CHST11: variants seen among roughly 807,000 people sequenced by gnomAD.
CHST11 encodes carbohydrate sulfotransferase 11.
In CHST11, 9 loss-of-function variants were observed where a neutral mutation model predicts 30.4. The ratio of observed to expected loss-of-function variants is 0.30; its 90% CI spans 0.18 to 0.52. CHST11 has a LOEUF of 0.52. Ranked by LOEUF, CHST11 falls within the 20% of genes least tolerant of loss-of-function variation. CHST11 has a pLI of 0.97. For missense variants in CHST11, 348 were observed against 460.6 expected (o/e 0.76, Z 2.24); for synonymous variants, 152 against 187.8 (o/e 0.81, Z 1.56).
At chr12:104,608,767 CTG>C (rs778004044) in intron 2 of CHST11, among the ~76,000 whole-genome samples, 1 of 152,190 alleles carries the variant, frequency 6.6e-6, no homozygotes, top group African/African-American at 2.4e-5. Flanking sequence ...GGCTCTGTGT[CTG>C]TGTTTTCCAC....
chr12:104,631,742 C>T (rs1249854804), intron 2 of CHST11, among the ~76,000 whole-genome samples: 1 of 152,184 alleles, frequency 6.6e-6, no homozygotes, highest in Non-Finnish European at 1.5e-5. Context: ...AAATGCAAGG[C>T]CCCTTGTTAA....
intron 1 of CHST11, among the ~76,000 whole-genome samples, chr12:104,593,627 C>G (rs1469973448): frequency 6.6e-6 from 1 of 152,154 alleles, no homozygotes; most frequent in African/African-American, 2.4e-5. Flanking sequence ...GTGACATGTC[C>G]CATTTCCCAG....
At chr12:104,754,990 T>C (rs2040462851) in intron 2 of CHST11, among the ~76,000 whole-genome samples, 2 of 152,210 alleles carry the variant, frequency 1.3e-5, no homozygotes, top group African/African-American at 4.8e-5. Context: ...ACCATCACCA[T>C]CCTTTGTCCT....
At chr12:104,603,855 C>G (rs750028123) in intron 2 of CHST11, among the ~76,000 whole-genome samples, 17 of 152,332 alleles carry the variant, frequency 1.1e-4, no homozygotes, top group South Asian at 4.1e-4. Context: ...TGAGCAATAC[C>G]TGCCTTGCAG....
intron 1 of CHST11, among the ~76,000 whole-genome samples, chr12:104,582,618 C>T (rs980490908): frequency 6.6e-6 from 1 of 152,068 alleles, no homozygotes; most frequent in Non-Finnish European, 1.5e-5. Context: ...TGGGAACACT[C>T]AGAGATAATA....
chr12:104,545,283 C>T (rs1252816072), intron 1 of CHST11, among the ~76,000 whole-genome samples: 1 of 152,226 alleles, frequency 6.6e-6, no homozygotes, highest in Non-Finnish European at 1.5e-5. Context: ...GGCCCAGCCC[C>T]ATGAGCTGCC....
chr12:104,647,155 G>A (rs2039441728), intron 2 of CHST11, among the ~76,000 whole-genome samples: 2 of 152,254 alleles, frequency 1.3e-5, no homozygotes, highest in South Asian at 2.1e-4. Flanking sequence ...GATGCTGCAA[G>A]TGGAGGCTCC....
At chr12:104,678,643 C>G (rs534273301) in intron 2 of CHST11, among the ~76,000 whole-genome samples, 1 of 152,206 alleles carries the variant, frequency 6.6e-6, no homozygotes, top group East Asian at 1.9e-4. Context: ...TCCGTTGCTA[C>G]AGTAATTCTG....
intron 2 of CHST11, among the ~76,000 whole-genome samples, chr12:104,693,079 A>C (rs1301831834): frequency 2.6e-5 from 4 of 151,832 alleles, no homozygotes; most frequent in East Asian, 3.9e-4. Flanking sequence ...CTGCATCCTC[A>C]CTTGGTTTTT....
chr12:104,719,740 G>T (rs2040158756), intron 2 of CHST11, among the ~76,000 whole-genome samples: 1 of 152,204 alleles, frequency 6.6e-6, no homozygotes, highest in South Asian at 2.1e-4. Flanking sequence ...TGGCCAGCCG[G>T]CCCTGGCTGT....
intron 2 of CHST11, among the ~76,000 whole-genome samples, chr12:104,637,677 T>G (rs1004584221): frequency 6.6e-6 from 1 of 152,170 alleles, no homozygotes; most frequent in Admixed American, 6.5e-5. Context: ...CACTCAAAGC[T>G]GGTCACTTCC....
At chr12:104,711,132 CAGTAA>C (rs1272983069) in intron 2 of CHST11, among the ~76,000 whole-genome samples, 45 of 152,308 alleles carry the variant, frequency 3.0e-4, no homozygotes, top group African/African-American at 1.1e-3. Context: ...GTGTCATACT[CAGTAA>C]AACTGTATTC....
intron 2 of CHST11, among the ~76,000 whole-genome samples, chr12:104,707,016 A>G (rs1384957901): frequency 6.6e-6 from 1 of 152,206 alleles, no homozygotes; most frequent in Non-Finnish European, 1.5e-5. Context: ...ACCTCCTGCC[A>G]AGGCCACCTC....
Position 104,625,719 on chromosome 12 carries a change from C to T in CHST11, c.204+23728C>T, listed in dbSNP as rs78353565. 4.1e-3 allele frequency among the ~76,000 whole-genome samples: 619 copies of T among 152,314 alleles called. 2 individuals are homozygous for T. The highest frequency in any genetic ancestry group is 6.7e-3 in the Admixed American group (103 of 15,300). On this transcript the variant is annotated intron_variant, in intron 2 of 2. Coordinates refer to ENST00000303694, the MANE Select transcript of CHST11 (RefSeq NM_018413.6). Reference sequence around the variant, plus strand: ...TTAAGGATTCCATAAAACAGGTGCCCTGGGAGTTGAAATTGACCATGTGAA... The same window carrying T: ...TTAAGGATTCCATAAAACAGGTGCCTTGGGAGTTGAAATTGACCATGTGAA...
chr12:104,586,895 C>T (rs1286354862), intron 1 of CHST11, among the ~76,000 whole-genome samples: 1 of 152,224 alleles, frequency 6.6e-6, no homozygotes, highest in Non-Finnish European at 1.5e-5. Context: ...ATGAGGACTT[C>T]CCCAGGTTAA....
intron 2 of CHST11, among the ~76,000 whole-genome samples, chr12:104,732,402 G>A (rs12320801): frequency 2.0e-4 from 31 of 152,240 alleles, no homozygotes; most frequent in African/African-American, 6.0e-4. Context: ...GCTGGTTTTC[G>A]TAAGTTTTGA....
intron 2 of CHST11, among the ~76,000 whole-genome samples, chr12:104,678,454 A>G (rs77054596): frequency 0.022 from 3,416 of 152,316 alleles, 99 homozygotes; most frequent in African/African-American, 0.07. Context: ...TGCGCTTATT[A>G]TGGGCCACAT....
At chr12:104,663,120 C>T (rs1378253060) in intron 2 of CHST11, among the ~76,000 whole-genome samples, 1 of 152,232 alleles carries the variant, frequency 6.6e-6, no homozygotes, top group Non-Finnish European at 1.5e-5. Context: ...CCGGGAGGAT[C>T]CAGCAGGCTG....
intron 2 of CHST11, among the ~76,000 whole-genome samples, chr12:104,715,234 T>G (rs942822456): frequency 1.1e-4 from 16 of 151,698 alleles, no homozygotes; most frequent in African/African-American, 3.6e-4. Context: ...ATTAGCTGGA[T>G]GTGGTGGTCG....
Sources: gnomAD v4.1 joint callset for allele counts (sites outside exome capture counted in the v4.1 genomes callset) on GRCh38, gnomAD v4.1.1 for gene constraint, MANE v1.5 for transcripts, NCBI Gene and HGNC (gene_info 2026-07-23, HGNC 2026-07-21) for gene names.